EHD2: variants seen among roughly 807,000 people sequenced by gnomAD.
EHD2 encodes the protein EH domain containing 2.
Under a neutral mutation model 41.0 loss-of-function variants are expected in EHD2, and 27 were observed. The observed-to-expected ratio is 0.66, with a 90% CI of 0.49 to 0.91. EHD2 has a LOEUF of 0.91. Ranked by LOEUF, EHD2 falls within the 40% of genes least tolerant of loss-of-function variation. EHD2 has a pLI of 0.00. For synonymous variants in EHD2, 342 were observed against 341.0 expected (o/e 1.00, Z -0.03); for missense variants, 673 against 773.9 (o/e 0.87, Z 1.55).
At chr19:47,720,575 G>A (rs569099547) in intron 3 of EHD2, among the ~76,000 whole-genome samples, 11 of 146,416 alleles carry the variant, frequency 7.5e-5, no homozygotes, top group African/African-American at 2.5e-4. Context: ...ATATTGTGAC[G>A]TGTGTGTGTG....
rs965604574 is a variant in EHD2 at position 47,721,593 on chromosome 19, C to CT, written c.502+2987_502+2988insT. ...CCTCCCAAAGTGTTGGGATTACAGG[C>CT]ATGAGCCACCGCCCAGCCTATTTTC... On this transcript the variant is annotated intron_variant, in intron 3 of 5. Coordinates refer to ENST00000263277, the MANE Select transcript of EHD2 (RefSeq NM_014601.4). Among the ~76,000 whole-genome samples, 137 of 152,050 alleles carry CT rather than the reference C, an allele frequency of 9.0e-4. 1 individual carries two copies. Among genetic ancestry groups the CT allele is most frequent in the African/African-American group, 3.2e-3 (131 of 41,492 alleles).
At chr19:47,727,813 G>C (rs745990497) in intron 4 of EHD2, among the ~76,000 whole-genome samples, 3 of 152,052 alleles carry the variant, frequency 2.0e-5, no homozygotes, top group African/African-American at 7.2e-5. Flanking sequence ...AACAATGAAG[G>C]CTGGGTGCGG....
intron 3 of EHD2, among the ~76,000 whole-genome samples, chr19:47,720,133 G>A (rs1436985006): frequency 1.3e-5 from 2 of 151,728 alleles, no homozygotes; most frequent in East Asian, 1.9e-4. Context: ...GTGTGTGTGT[G>A]CGCATGTGCC....
intron 4 of EHD2, chr19:47,731,314 A>ATACATATATATATATATGTGTAT (rs1160770476): frequency 1.8e-5 from 2 of 113,994 alleles, no homozygotes; most frequent in African/African-American, 5.7e-5. Context: ...ATATATATAT[A>ATACATATATATATATATGTGTAT]ATTTTTTTTT....
chr19:47,721,167 GTGTGTGT>G (rs1973692250), intron 3 of EHD2, among the ~76,000 whole-genome samples: 1 of 37,906 alleles, frequency 2.6e-5, no homozygotes, highest in African/African-American at 1.7e-4. Flanking sequence ...TACTGGGGGT[GTGTGTGT>G]GTGTGTGTGT....
At chr19:47,736,997 C>T (rs559889763) in intron 5 of EHD2, among the ~76,000 whole-genome samples, 32 of 152,012 alleles carry the variant, frequency 2.1e-4, no homozygotes, top group South Asian at 4.2e-4. Flanking sequence ...TTTGGGAGGC[C>T]GAGGCGGGCG....
At position 47,718,538 on chromosome 19, in the gene EHD2, T is replaced by C; in HGVS notation, c.434T>C (p.Val145Ala). ...RFMCAQLPNQ[V>A]LESISIIDTP... ...ATGTGTGCCCAGCTCCCTAATCAGG[T>C]CCTGGAGAGCATCAGCATCATCGAC... is the stretch of plus-strand genomic sequence containing the variant. The change falls in exon 3 of 6, where the codon GTC becomes GCC. Residue 145 changes from valine (V) to alanine (A), a missense_variant. Val to Ala is a moderately conservative substitution (Grantham distance 64, BLOSUM62 0). Transcript: ENST00000263277. 6.3e-7 allele frequency: 1 copy of C among 1,587,428 alleles called. No homozygotes were observed.
intron 3 of EHD2, among the ~76,000 whole-genome samples, chr19:47,720,980 G>A (rs1303843912): frequency 2.0e-5 from 3 of 152,048 alleles, no homozygotes; most frequent in African/African-American, 7.2e-5. Context: ...GTGCATGCAT[G>A]TGTGCCTCTG....
chr19:47,714,793 G>A (rs939243628), intron 1 of EHD2, among the ~76,000 whole-genome samples: 9 of 152,084 alleles, frequency 5.9e-5, no homozygotes, highest in Non-Finnish European at 8.8e-5. Flanking sequence ...CCAACAATTT[G>A]GGAGGCTGAG....
chr19:47,717,048 T>C (rs747048726), intron 2 of EHD2, 32 bp downstream of exon 2: 351 of 1,597,876 alleles, frequency 2.2e-4, no homozygotes, highest in Middle Eastern at 1.2e-3. Flanking sequence ...GGCGCATCTT[T>C]CTTTTTCTTT....
intron 3 of EHD2, among the ~76,000 whole-genome samples, chr19:47,724,189 G>A (rs1019828597): frequency 3.3e-5 from 5 of 150,674 alleles, no homozygotes; most frequent in Non-Finnish European, 5.9e-5. Flanking sequence ...AGCGATTCTC[G>A]TGCCTCAGCC....
intron 5 of EHD2, among the ~76,000 whole-genome samples, chr19:47,740,420 C>CA (rs1388794624): frequency 6.6e-6 from 1 of 150,500 alleles, no homozygotes; most frequent in Non-Finnish European, 1.5e-5. Flanking sequence ...GCCTAAGTGA[C>CA]AGAGCGAGAC....
chr19:47,717,235 G>C (rs1481762010), intron 2 of EHD2, among the ~76,000 whole-genome samples: 1 of 152,090 alleles, frequency 6.6e-6, no homozygotes, highest in African/African-American at 2.4e-5. Flanking sequence ...ATTAGGTACA[G>C]TTGGGGTTTC....
rs117738528 is a variant in EHD2 at position 47,721,200 on chromosome 19, C to T, written c.502+2594C>T. 3.4e-4 allele frequency among the ~76,000 whole-genome samples: 51 copies of T among 150,566 alleles called. 1 individual carries two copies. In the East Asian group the frequency reaches 9.6e-3, roughly 28 times the overall value. ...GTGTGTGTGTGTGTGTGTGTGTATG[C>T]GAGCTCATGTGTGTGGCTGCCTCTG... is the stretch of plus-strand genomic sequence containing the variant. On this transcript the variant is annotated intron_variant, in intron 3 of 5. Transcript: ENST00000263277.
chr19:47,741,312 G>T lies in EHD2; in HGVS notation c.1512G>T (p.Glu504Asp), dbSNP rs3745758. The T allele has an allele frequency of 4.3e-6, 7 of 1,613,276 alleles. No homozygotes were observed. The highest frequency in any genetic ancestry group is 2.7e-5 in the African/African-American group (2 of 74,868). ...ACCGCGACGGCATGCTGGATGATGA[G>T]GAGTTCGCGCTGGCCAGCCACCTCA... is the stretch of plus-strand genomic sequence containing the variant. ...DVDRDGMLDDEEFALASHLIE... is the reference protein window; with the variant it reads ...DVDRDGMLDDDEFALASHLIE... The change falls in exon 6 of 6, where the codon GAG becomes GAT. Residue 504 changes from glutamate (E) to aspartate (D), a missense_variant. Physicochemically the swap from Glu to Asp is conservative, Grantham distance 45. Coordinates refer to ENST00000263277, the MANE Select transcript of EHD2 (RefSeq NM_014601.4). The surrounding 1 kb of genome is among the most constrained non-coding windows in gnomAD (Gnocchi z 4.5).
chr19:47,725,912 A>G lies in EHD2; in HGVS notation c.603A>G (p.Ser201=), dbSNP rs8111184. The G allele has an allele frequency of 0.14, 219,928 of 1,613,658 alleles. 15,952 individuals carry two copies. Among genetic ancestry groups the G allele is most frequent in the African/African-American group, 0.19 (14,595 of 75,042 alleles). The change falls in exon 4 of 6, where the codon TCA becomes TCG. Residue 201 remains serine, a synonymous_variant. Coordinates refer to ENST00000263277, the MANE Select transcript of EHD2 (RefSeq NM_014601.4). ...AGCTGGAGATCTCGGACGAGTTCTC[A>G]GAGGCCATCGGCGCGTTGCGGGGCC... is the stretch of plus-strand genomic sequence containing the variant. The part of the protein sequence containing the change: ...AHKLEISDEF[S]EAIGALRGHE...
chr19:47,717,136 C>T (rs1973637944), intron 2 of EHD2, 120 bp downstream of exon 2: 1 of 1,314,194 alleles, frequency 7.6e-7, no homozygotes, highest in Admixed American at 2.2e-5. Context: ...CAACCTCCAC[C>T]TCCTGGGTTC....
intron 4 of EHD2, among the ~76,000 whole-genome samples, chr19:47,730,514 C>T (rs1301354953): frequency 1.3e-5 from 2 of 152,148 alleles, no homozygotes; most frequent in Non-Finnish European, 2.9e-5. Flanking sequence ...CTGCTCCTCA[C>T]ATATGAGTCC....
chr19:47,741,327 C>G lies in EHD2; in HGVS notation c.1527C>G (p.Ala509=), dbSNP rs1220098598. 1 of 1,613,066 alleles carries G rather than the reference C, an allele frequency of 6.2e-7. No individual in the cohort carries two copies. The highest frequency in any genetic ancestry group is 1.7e-5 in the Admixed American group (1 of 59,994). ...TGGATGATGAGGAGTTCGCGCTGGC[C>G]AGCCACCTCATCGAGGCCAAGCTGG... ...GMLDDEEFAL[A]SHLIEAKLEG... Residue 509 remains alanine (A), a synonymous_variant, in exon 6 of 6, where the codon GCC becomes GCG. Transcript: ENST00000263277. This position sits in a 1 kb window ranked among gnomAD's most constrained non-coding sequence, Gnocchi z 4.5.
Sources: gnomAD v4.1 joint callset for allele counts (sites outside exome capture counted in the v4.1 genomes callset) on GRCh38, gnomAD v4.1.1 for gene constraint, Gnocchi (gnomAD v3.1) non-coding constraint, MANE v1.5 for transcripts, NCBI Gene and HGNC (gene_info 2026-07-23, HGNC 2026-07-21) for gene names.